THADA: variants seen among roughly 807,000 people sequenced by gnomAD.
THADA encodes tRNA (32-2'-O)-methyltransferase regulator THADA.
THADA carries 213 observed loss-of-function variants against 219.8 expected under a neutral mutation model. The observed-to-expected ratio is 0.97, with a 90% CI of 0.87 to 1.09. The LOEUF is 1.09. THADA is among the 50% of genes least tolerant of loss of function. The pLI is 0.00. For missense variants in THADA, 2,956 were observed against 2,311.3 expected, an observed-to-expected ratio of 1.28 and a Z score of -5.72; for synonymous variants, 1,018 against 828.9, an observed-to-expected ratio of 1.23 and a Z score of -3.92.
intron 30 of THADA, among the ~76,000 whole-genome samples, chr2:43,339,915 C>G (rs1348474959): frequency 6.6e-6 from 1 of 151,920 alleles, no homozygotes; most frequent in Middle Eastern, 3.4e-3. Context: ...GCAACACAGC[C>G]AGACCTCATC....
Position 43,320,509 on chromosome 2 carries a change from A to G in THADA, c.4375T>C (p.Tyr1459His), listed in dbSNP as rs80019860. 17 of 1,613,330 alleles carry G rather than the reference A, an allele frequency of 1.1e-5. No individual in the cohort carries two copies. The highest frequency in any genetic ancestry group is 2.7e-5 in the African/African-American group (2 of 75,054). ...QNPCLVTRAV[Y>H]IDILFLLTCC... ...GTCAATAGGAAGAGAATATCAATAT[A>G]TACAGCTCTGGTCACCAAACATGGA... The change falls in exon 31 of 38, where the codon TAT becomes CAT. Residue 1459 changes from tyrosine to histidine, a missense_variant. Tyr to His is a moderately conservative substitution (Grantham distance 83). Coordinates refer to ENST00000405975, the MANE Select transcript of THADA (RefSeq NM_022065.5).
intron 30 of THADA, among the ~76,000 whole-genome samples, chr2:43,341,130 A>G (rs1287446728): frequency 1.3e-5 from 2 of 152,196 alleles, no homozygotes; most frequent in African/African-American, 2.4e-5. Context: ...AACACTTGTA[A>G]AAGTGTGCTG....
At chr2:43,293,865 C>A (rs181232955) in intron 31 of THADA, among the ~76,000 whole-genome samples, 2 of 152,196 alleles carry the variant, frequency 1.3e-5, no homozygotes, top group African/African-American at 4.8e-5. Flanking sequence ...TGTGGACATG[C>A]CTCACCCTCT....
At chr2:43,257,171 G>A (rs1670403635) in intron 36 of THADA, among the ~76,000 whole-genome samples, 1 of 152,208 alleles carries the variant, frequency 6.6e-6, no homozygotes, top group Admixed American at 6.5e-5. Context: ...CAGAGTCCTT[G>A]AAGGTAGCAA....
chr2:43,499,187 T>C (rs778844582), intron 24 of THADA, among the ~76,000 whole-genome samples: 1 of 152,182 alleles, frequency 6.6e-6, no homozygotes, highest in Non-Finnish European at 1.5e-5. Flanking sequence ...CCAATGGACA[T>C]ATGTAGAAGC....
chr2:43,269,345 G>A (rs1409558941), intron 36 of THADA, among the ~76,000 whole-genome samples: 3 of 152,234 alleles, frequency 2.0e-5, no homozygotes, highest in Non-Finnish European at 4.4e-5. Flanking sequence ...AAAGGAGCCT[G>A]TTGTTGTCTC....
Position 43,556,468 on chromosome 2 carries a change from G to A in THADA, c.2551C>T (p.Leu851=). ...TCCTGCCAGATTAAGAAGTTCAGCA[G>A]GTAGGAAGCTGTCACACAGTCGTAT... is the stretch of plus-strand genomic sequence containing the variant. ...KPYDCVTASY[L]LNFLIWQDAL... is the part of the protein sequence containing the mutation. The change falls in exon 17 of 38, where the codon CTG becomes TTG. Residue 851 remains leucine (L), a synonymous_variant. Transcript: ENST00000405975. 1 of 1,613,910 alleles carries A rather than the reference G, an allele frequency of 6.2e-7. No homozygotes were observed. The highest frequency in any genetic ancestry group is 8.5e-7 in the Non-Finnish European group (1 of 1,179,844).
chr2:43,566,487 T>A, intron 15 of THADA: 1 of 725,118 alleles, frequency 1.4e-6, no homozygotes, highest in Middle Eastern at 2.3e-4. Flanking sequence ...ACTTTGGGGT[T>A]GGCAAATAAT....
At position 43,309,156 on chromosome 2, in the gene THADA, T is replaced by C. The variant is rs547340208; in HGVS notation, c.4438+11290A>G. ...AATTTAAAAAGCAATGTATAAAAGA[T>C]GTGAATAGGCACTTTACCAAAAAAG... On this transcript the variant is annotated intron_variant, in intron 31 of 37. Transcript: ENST00000405975. Among the ~76,000 whole-genome samples the C allele has an allele frequency of 9.2e-4, 140 of 152,298 alleles. 2 individuals are homozygous for C. Among genetic ancestry groups the C allele is most frequent in the Non-Finnish European group, 1.6e-3 (112 of 68,024 alleles).
chr2:43,439,597 G>GT (rs11429002), intron 26 of THADA, among the ~76,000 whole-genome samples: 111,553 of 152,122 alleles, frequency 0.73, 41,086 homozygotes, highest in Admixed American at 0.79. Context: ...AAGCACAAGA[G>GT]TGTGATGCTG....
rs369587961 is a variant in THADA at position 43,574,973 on chromosome 2, A to G, written c.1092T>C (p.Thr364=). The change falls in exon 11 of 38, where the codon ACT becomes ACC. Residue 364 remains threonine, a synonymous_variant. Transcript: ENST00000405975. ...MFLSRILASW[T]NSAIQVLESS... ...ATTCAAGGACTTGTATGGCTGAATT[A>G]GTCCAGGATGCTAAGATTCTAGACA... The G allele has an allele frequency of 1.2e-6, 2 of 1,614,000 alleles. No homozygotes were observed. Among genetic ancestry groups the G allele is most frequent in the Non-Finnish European group, 1.7e-6 (2 of 1,179,888 alleles).
rs374255775 is a variant in THADA, at chr2:43,344,102, C to A, written c.4343+20G>T. On this transcript the variant is annotated intron_variant, in intron 30 of 37. Transcript: ENST00000405975. ...TCCTAACCCCTGATAACTCCTTGCT[C>A]ATGTGGGATTTTAACATACCTCTTG... 1 of 1,549,000 alleles carries A rather than the reference C, an allele frequency of 6.5e-7. No individual in the cohort carries two copies. Among genetic ancestry groups the A allele is most frequent in the Non-Finnish European group, 8.9e-7 (1 of 1,128,700 alleles).
rs535024663 is a variant in THADA at position 43,572,128 on chromosome 2, T to C, written c.1909-266A>G. Among the ~76,000 whole-genome samples the C allele has an allele frequency of 1.8e-4, 27 of 152,330 alleles. No individual in the cohort carries two copies. In the South Asian group the frequency reaches 5.2e-3, roughly 29 times the overall value. ...GGTAATGCTCAGCTTCATTCCTTTT[T>C]CTTTTTTTCCAGTGACCCCTTTTAC... On this transcript the variant is annotated intron_variant, in intron 12 of 37. Transcript: ENST00000405975.
intron 35 of THADA, among the ~76,000 whole-genome samples, chr2:43,286,005 G>C (rs1673958716): frequency 6.6e-6 from 1 of 152,132 alleles, no homozygotes; most frequent in Non-Finnish European, 1.5e-5. Context: ...ATACCACCAA[G>C]TCCTGTTGAT....
At chr2:43,244,180 G>A (rs1337491434) in intron 36 of THADA, among the ~76,000 whole-genome samples, 1 of 152,216 alleles carries the variant, frequency 6.6e-6, no homozygotes, top group African/African-American at 2.4e-5. Context: ...ATGAAAATAA[G>A]CAATTCATAA....
intron 31 of THADA, among the ~76,000 whole-genome samples, chr2:43,297,612 C>A (rs1422639671): frequency 9.5e-6 from 1 of 104,740 alleles, no homozygotes; most frequent in Non-Finnish European, 1.9e-5. Context: ...GGTCAGCCCC[C>A]CGCCCGGCCA....
chr2:43,431,031 T>C (rs1679196697), intron 26 of THADA, among the ~76,000 whole-genome samples: 1 of 152,186 alleles, frequency 6.6e-6, no homozygotes, highest in African/African-American at 2.4e-5. Context: ...ACTACGAAAG[T>C]AGAATAGTTC....
At chr2:43,257,723 T>G (rs909597759) in intron 36 of THADA, among the ~76,000 whole-genome samples, 4 of 152,196 alleles carry the variant, frequency 2.6e-5, no homozygotes, top group Admixed American at 6.5e-5. Flanking sequence ...CACAAAAAGT[T>G]AAATTCCCCT....
chr2:43,257,367 T>C (rs1670444033), intron 36 of THADA, among the ~76,000 whole-genome samples: 1 of 152,204 alleles, frequency 6.6e-6, no homozygotes, highest in Non-Finnish European at 1.5e-5. Context: ...TATGACAGGC[T>C]GCTTCTCACT....
Sources: gnomAD v4.1 joint callset for allele counts (sites outside exome capture counted in the v4.1 genomes callset) on GRCh38, gnomAD v4.1.1 for gene constraint, MANE v1.5 for transcripts, NCBI Gene and HGNC (gene_info 2026-07-23, HGNC 2026-07-21) for gene names.